SKIC8: variants seen among roughly 807,000 people sequenced by gnomAD.
SKIC8 encodes superkiller complex protein 8.
the SKIC8 span, chr15:78,288,884 C>T: frequency 0.028 from 12,247 of 444,172 alleles, 1,259 homozygotes; most frequent in African/African-American, 0.22. Flanking sequence ...CAGAGGCCAC[C>T]GGTGTGGACA....
At chr15:78,292,708 A>T in the SKIC8 span, 8 of 1,614,216 alleles carry the variant, frequency 5.0e-6, no homozygotes, top group Non-Finnish European at 6.8e-6. Flanking sequence ...AGCAATGGGC[A>T]GGGTGTGGCT....
At chr15:78,292,683 A>T in the SKIC8 span, 1 of 1,614,224 alleles carries the variant, frequency 6.2e-7, no homozygotes, top group Non-Finnish European at 8.5e-7. Context: ...TATGAGCATC[A>T]AGAGAGCTGG....
the SKIC8 span, among the ~76,000 whole-genome samples, chr15:78,296,278 C>T: frequency 6.6e-6 from 1 of 152,064 alleles, no homozygotes; most frequent in African/African-American, 2.4e-5. Context: ...TAGTGGCGCA[C>T]ACCTGTAATC....
chr15:78,285,092 ACT>A, the SKIC8 span: 1 of 631,044 alleles, frequency 1.6e-6, no homozygotes, highest in South Asian at 2.0e-5. Flanking sequence ...TGCACCCCAG[ACT>A]CTGCACAGGA....
chr15:78,289,749 G>A, the SKIC8 span: 1 of 1,590,984 alleles, frequency 6.3e-7, no homozygotes, highest in Non-Finnish European at 8.6e-7. Context: ...AGCACTTTCA[G>A]ACTCCGTGTT....
the SKIC8 span, chr15:78,289,793 CCTG>C: frequency 6.5e-7 from 1 of 1,530,858 alleles, no homozygotes; most frequent in African/African-American, 1.4e-5. Flanking sequence ...AAGCAAACCT[CCTG>C]CTATCTACAG....
chr15:78,292,948 T>C, the SKIC8 span: 1 of 993,130 alleles, frequency 1.0e-6, no homozygotes, highest in Non-Finnish European at 1.5e-6. Flanking sequence ...TGCCAGGTTT[T>C]AAATGTAGGA....
chr15:78,293,079 G>GT, the SKIC8 span: 1 of 1,204,288 alleles, frequency 8.3e-7, no homozygotes, highest in African/African-American at 1.5e-5. Context: ...CTAGAAAAAA[G>GT]TATTTCCCGG....
the SKIC8 span, chr15:78,292,576 C>G: frequency 6.2e-7 from 1 of 1,613,320 alleles, no homozygotes; most frequent in Non-Finnish European, 8.5e-7. Flanking sequence ...GAAAAGAAAT[C>G]ATGAACCTCT....
the SKIC8 span, chr15:78,294,754 C>A: frequency 1.9e-6 from 1 of 534,588 alleles, no homozygotes; most frequent in Non-Finnish European, 3.1e-6. Context: ...TTTTTTTTAG[C>A]TGGTTGTTCA....
At chr15:78,293,255 A>T in the SKIC8 span, 1 of 1,614,180 alleles carries the variant, frequency 6.2e-7, no homozygotes, top group Non-Finnish European at 8.5e-7. Flanking sequence ...GCAACTGACC[A>T]AATGGCATCA....
the SKIC8 span, chr15:78,288,183 G>T: frequency 8.4e-7 from 1 of 1,190,528 alleles, no homozygotes. Flanking sequence ...TGTCTGATGT[G>T]ACTTGAGCAC....
the SKIC8 span, among the ~76,000 whole-genome samples, chr15:78,298,308 A>G: frequency 3.9e-5 from 6 of 152,220 alleles, no homozygotes; most frequent in African/African-American, 1.2e-4. Context: ...GTGTGATTCT[A>G]TCAATGAGTG....
the SKIC8 span, chr15:78,295,059 GAC>G: frequency 6.6e-7 from 1 of 1,511,860 alleles, no homozygotes; most frequent in Non-Finnish European, 9.2e-7. Flanking sequence ...TCCCCGAGTA[GAC>G]AGAGTCACCA....
At chr15:78,288,240 G>A in the SKIC8 span, 1 of 1,590,680 alleles carries the variant, frequency 6.3e-7, no homozygotes, top group Non-Finnish European at 8.6e-7. Flanking sequence ...AACAATAAAG[G>A]GACAAGATGG....
chr15:78,289,457 T>C, the SKIC8 span, among the ~76,000 whole-genome samples: 3 of 152,128 alleles, frequency 2.0e-5, no homozygotes, highest in African/African-American at 7.2e-5. Context: ...AAAAAAACTA[T>C]AGTGACAAGA....
chr15:78,291,221 T>G, the SKIC8 span: 1 of 152,236 alleles, frequency 6.6e-6, no homozygotes, highest in African/African-American at 2.4e-5. Flanking sequence ...AATCCAGCAC[T>G]GATTTCTTCA....
At chr15:78,286,340 A>C in the SKIC8 span, 1 of 482,622 alleles carries the variant, frequency 2.1e-6, no homozygotes. Context: ...TTAACCCATA[A>C]TGTGTTGACA....
At chr15:78,286,508 G>C in the SKIC8 span, 2 of 188,928 alleles carry the variant, frequency 1.1e-5, no homozygotes, top group Admixed American at 1.1e-4. Flanking sequence ...GGCAGGTTCA[G>C]ACTCCTGCCT....
Sources: gnomAD v4.1 joint callset for allele counts (sites outside exome capture counted in the v4.1 genomes callset) on GRCh38, gnomAD v4.1.1 for gene constraint, MANE v1.5 for transcripts, NCBI Gene and HGNC (gene_info 2026-07-23, HGNC 2026-07-21) for gene names.